ZFP2: variants seen among roughly 807,000 people sequenced by gnomAD.
ZFP2 encodes zinc finger protein ZFP2.
ZFP2 carries 33 observed loss-of-function variants against 36.1 expected under a neutral mutation model. The observed-to-expected ratio is 0.92, with a 90% confidence interval of 0.69 to 1.22. The LOEUF is 1.22. ZFP2 is among the 50% of genes most tolerant of loss of function. ZFP2 has a pLI of 0.00. For synonymous variants in ZFP2, 170 were observed against 178.0 expected (o/e 0.96, Z 0.36); for missense variants, 522 against 551.4 (o/e 0.95, Z 0.53).
At chr5:178,919,858 G>A (rs188372299) in intron 4 of ZFP2, among the ~76,000 whole-genome samples, 9 of 152,232 alleles carry the variant, frequency 5.9e-5, no homozygotes, top group African/African-American at 1.9e-4. Flanking sequence ...CTACTTGGGA[G>A]GCTGAGGAGG....
At chr5:178,915,027 T>C (rs1430141414) in intron 3 of ZFP2, among the ~76,000 whole-genome samples, 1 of 152,214 alleles carries the variant, frequency 6.6e-6, no homozygotes, top group African/African-American at 2.4e-5. Flanking sequence ...AGCCACTCAT[T>C]GTCTGAATGT....
intron 1 of ZFP2, among the ~76,000 whole-genome samples, chr5:178,904,725 CAG>C (rs1363155903): frequency 3.0e-5 from 3 of 101,526 alleles, no homozygotes; most frequent in Non-Finnish European, 5.4e-5. Context: ...TTTTGAGAGA[CAG>C]AGTCTTGCTC....
chr5:178,915,178 C>G (rs1225393023), intron 3 of ZFP2, among the ~76,000 whole-genome samples: 1 of 152,016 alleles, frequency 6.6e-6, no homozygotes, highest in Non-Finnish European at 1.5e-5. Context: ...TTATTGATGC[C>G]ATTTTCATTG....
intron 1 of ZFP2, among the ~76,000 whole-genome samples, chr5:178,897,813 GT>G (rs1403927610): frequency 6.6e-6 from 1 of 152,096 alleles, no homozygotes; most frequent in Non-Finnish European, 1.5e-5. Flanking sequence ...CCATGCAATG[GT>G]GCCTAGTATA....
intron 4 of ZFP2, among the ~76,000 whole-genome samples, chr5:178,929,422 C>T (rs976811402): frequency 6.6e-6 from 1 of 152,222 alleles, no homozygotes; most frequent in Non-Finnish European, 1.5e-5. Flanking sequence ...GACAACCCAC[C>T]TCTTGTGTGC....
At chr5:178,929,268 C>T (rs186052177) in intron 4 of ZFP2, among the ~76,000 whole-genome samples, 1 of 152,362 alleles carries the variant, frequency 6.6e-6, no homozygotes, top group Non-Finnish European at 1.5e-5. Flanking sequence ...ATTTCTGCAG[C>T]CTGCTTGAAT....
Position 178,912,662 on chromosome 5 carries a change from A to G in ZFP2, c.-371A>G. On this transcript the variant is annotated 5_prime_UTR_variant, in exon 2 of 5. Transcript: ENST00000361362. ...GTGGATTCAAGCAGATTCTGCTCAG[A>G]GGATGACCGTGTATGGGGAGGTGAT... 9.4e-7 allele frequency: 1 copy of G among 1,061,910 alleles called. No individual in the cohort carries two copies. The highest frequency in any genetic ancestry group is 7.9e-5 in the East Asian group (1 of 12,738). The allele number at this position is 1,061,910 out of a possible 1,614,324, so 65.8% of individuals were successfully genotyped here. A position where few individuals can be genotyped will look rare whatever the true frequency, so the allele number is the denominator to read the frequency against.
chr5:178,911,183 T>A (rs890647868), intron 1 of ZFP2, among the ~76,000 whole-genome samples: 1 of 152,214 alleles, frequency 6.6e-6, no homozygotes, highest in Non-Finnish European at 1.5e-5. Flanking sequence ...GAGAAAATGA[T>A]GTAGAAAGAA....
intron 4 of ZFP2, among the ~76,000 whole-genome samples, chr5:178,926,564 T>A (rs1048293873): frequency 6.6e-6 from 1 of 152,074 alleles, no homozygotes; most frequent in African/African-American, 2.4e-5. Flanking sequence ...TCGCCCAGGC[T>A]GGAGTGCAGT....
chr5:178,909,594 A>G, intron 1 of ZFP2: 1 of 1,027,166 alleles, frequency 9.7e-7, no homozygotes, highest in Non-Finnish European at 1.3e-6. Flanking sequence ...CACCCCAACA[A>G]AGGTGTGAAG....
chr5:178,909,610 A>T, intron 1 of ZFP2: 1 of 1,228,958 alleles, frequency 8.1e-7, no homozygotes, highest in East Asian at 2.8e-5. Flanking sequence ...TGAAGTAGAA[A>T]CTATCCTGAT....
At chr5:178,905,427 C>CT (rs1758149046) in intron 1 of ZFP2, among the ~76,000 whole-genome samples, 1 of 152,176 alleles carries the variant, frequency 6.6e-6, no homozygotes, top group Admixed American at 6.5e-5. Context: ...CACTTTGCTG[C>CT]TGCAGTGCCT....
intron 4 of ZFP2, among the ~76,000 whole-genome samples, chr5:178,927,687 G>A (rs891128005): frequency 6.7e-6 from 1 of 150,300 alleles, no homozygotes; most frequent in Non-Finnish European, 1.5e-5. Context: ...GTGTGTGTGT[G>A]TGTGTGTGTG....
intron 4 of ZFP2, among the ~76,000 whole-genome samples, chr5:178,926,243 T>C (rs1758666453): frequency 7.1e-6 from 1 of 140,358 alleles, no homozygotes; most frequent in Admixed American, 7.4e-5. Context: ...TTCTTTTTTC[T>C]TCTCATTCTC....
At chr5:178,903,336 T>C (rs1758097009) in intron 1 of ZFP2, among the ~76,000 whole-genome samples, 1 of 152,328 alleles carries the variant, frequency 6.6e-6, no homozygotes, top group Admixed American at 6.5e-5. Flanking sequence ...TTTTTTTGAA[T>C]ATAAATATTG....
At chr5:178,908,606 A>G (rs1290389723) in intron 1 of ZFP2, among the ~76,000 whole-genome samples, 3 of 123,770 alleles carry the variant, frequency 2.4e-5, no homozygotes, top group Non-Finnish European at 5.1e-5. Context: ...TCCCTGCTCT[A>G]TGCCTTCCCC....
chr5:178,896,600 G>A (rs1007254963), intron 1 of ZFP2, among the ~76,000 whole-genome samples: 2 of 152,184 alleles, frequency 1.3e-5, no homozygotes, highest in African/African-American at 4.8e-5. Flanking sequence ...TTTCGACCTC[G>A]GGGAATCTTT....
intron 4 of ZFP2, among the ~76,000 whole-genome samples, chr5:178,928,512 C>T (rs1233708871): frequency 6.6e-6 from 1 of 152,196 alleles, no homozygotes; most frequent in African/African-American, 2.4e-5. Flanking sequence ...AGTCCAGAAA[C>T]CATCAGGGCA....
At chr5:178,899,572 A>G (rs777264374) in intron 1 of ZFP2, among the ~76,000 whole-genome samples, 5 of 151,902 alleles carry the variant, frequency 3.3e-5, no homozygotes, top group African/African-American at 7.3e-5. Flanking sequence ...GGGAAGGAGG[A>G]GTTTGTGTGT....
Sources: allele counts gnomAD v4.1 joint callset (sites outside exome capture counted in the v4.1 genomes callset), GRCh38; gene constraint gnomAD v4.1.1; transcripts MANE v1.5; gene names NCBI Gene and HGNC (gene_info 2026-07-23, HGNC 2026-07-21).